NRG1: variants seen among roughly 807,000 people sequenced by gnomAD.
NRG1 encodes neuregulin 1.
In NRG1, 18 loss-of-function variants were observed where a neutral mutation model predicts 63.8. The ratio of observed to expected loss-of-function variants is 0.28; its 90% CI spans 0.19 to 0.42. The LOEUF (loss-of-function observed/expected upper bound fraction) is 0.42. Ranked by LOEUF, NRG1 falls within the 10% of genes least tolerant of loss-of-function variation. The pLI is 1.00. For synonymous variants in NRG1, 302 were observed against 301.3 expected (o/e 1.00, Z -0.02); for missense variants, 762 against 814.7 (o/e 0.94, Z 0.79).
At chr8:32,548,937 T>A (rs1337911112) in intron 1 of NRG1, 111 bp downstream of exon 1, 2 of 1,342,418 alleles carry the variant, frequency 1.5e-6, no homozygotes, top group Non-Finnish European at 2.0e-6. Flanking sequence ...CCCGTCCTCT[T>A]CGCCCTGCGC....
At chr8:32,398,902 A>G (rs1812798295) in intron 1 of NRG1, among the ~76,000 whole-genome samples, 2 of 152,208 alleles carry the variant, frequency 1.3e-5, no homozygotes, top group Non-Finnish European at 2.9e-5. Context: ...CTGTTTATAC[A>G]GTATGTGATT....
chr8:32,741,184 T>G (rs1392402546), intron 6 of NRG1, among the ~76,000 whole-genome samples: 1 of 152,170 alleles, frequency 6.6e-6, no homozygotes, highest in Non-Finnish European at 1.5e-5. Context: ...TTGCATGACC[T>G]TAAGAACAAT....
At chr8:32,749,554 T>C (rs1828266728) in intron 7 of NRG1, 2 of 1,613,776 alleles carry the variant, frequency 1.2e-6, no homozygotes, top group Non-Finnish European at 1.7e-6. Flanking sequence ...ACTTTCTGCA[T>C]TGGCAGAGCA....
intron 1 of NRG1, among the ~76,000 whole-genome samples, chr8:32,063,871 A>G (rs1449129856): frequency 6.6e-6 from 1 of 152,076 alleles, no homozygotes; most frequent in Non-Finnish European, 1.5e-5. Flanking sequence ...AATAAAACGC[A>G]AACATTTTAT....
chr8:32,526,602 C>T (rs931142610), intron 1 of NRG1, among the ~76,000 whole-genome samples: 2 of 152,154 alleles, frequency 1.3e-5, no homozygotes, highest in Non-Finnish European at 2.9e-5. Flanking sequence ...AAGTCTCTCT[C>T]TAAAACTGGA....
intron 1 of NRG1, among the ~76,000 whole-genome samples, chr8:31,867,869 A>G (rs1321194473): frequency 6.6e-6 from 1 of 152,158 alleles, no homozygotes; most frequent in Non-Finnish European, 1.5e-5. Context: ...TTTTATAACC[A>G]TATCACCATA....
At chr8:32,261,294 C>T (rs977789972) in intron 1 of NRG1, among the ~76,000 whole-genome samples, 13 of 151,774 alleles carry the variant, frequency 8.6e-5, no homozygotes, top group East Asian at 5.8e-4. Flanking sequence ...CAGAATAACA[C>T]GTGTGTTACT....
At chr8:32,592,777 G>T (rs1399756744) in intron 1 of NRG1, among the ~76,000 whole-genome samples, 1 of 152,054 alleles carries the variant, frequency 6.6e-6, no homozygotes, top group Non-Finnish European at 1.5e-5. Flanking sequence ...TAAAGAGAAG[G>T]TATCTGAAGT....
chr8:32,603,007 A>G (rs558852421), intron 2 of NRG1, among the ~76,000 whole-genome samples: 6 of 152,312 alleles, frequency 3.9e-5, no homozygotes, highest in East Asian at 3.9e-4. Context: ...TTGTTAAGAC[A>G]TATCTATTTG....
intron 5 of NRG1, chr8:32,721,912 C>A (rs962882564): frequency 1.4e-6 from 2 of 1,477,776 alleles, no homozygotes; most frequent in Non-Finnish European, 1.8e-6. Flanking sequence ...GGAGTTCAGT[C>A]TGCTCATTAT....
chr8:32,425,263 A>G, intron 1 of NRG1, among the ~76,000 whole-genome samples: 1 of 152,220 alleles, frequency 6.6e-6, no homozygotes, highest in East Asian at 1.9e-4. Context: ...GCCTTCAGGC[A>G]GGAGAAGTTG....
At chr8:31,841,415 TGTAGACACTGAGGGGCC>T (rs1200207765) in intron 1 of NRG1, among the ~76,000 whole-genome samples, 1 of 152,100 alleles carries the variant, frequency 6.6e-6, no homozygotes, top group African/African-American at 2.4e-5. Flanking sequence ...GACTTTCCCC[TGTAGACACTGAGGGGCC>T]GTGAACAGCA....
At chr8:32,116,487 C>T (rs188008738) in intron 1 of NRG1, among the ~76,000 whole-genome samples, 6 of 152,120 alleles carry the variant, frequency 3.9e-5, no homozygotes, top group Middle Eastern at 3.4e-3. Context: ...AATATCATGC[C>T]GCAAAAAGTA....
chr8:32,280,995 G>A (rs578137220), intron 1 of NRG1, among the ~76,000 whole-genome samples: 54 of 150,402 alleles, frequency 3.6e-4, no homozygotes, highest in Non-Finnish European at 6.5e-4. Context: ...TCCTGACCTC[G>A]TGATCCACCC....
chr8:32,539,050 C>T (rs1832315299), intron 1 of NRG1, among the ~76,000 whole-genome samples: 1 of 152,034 alleles, frequency 6.6e-6, no homozygotes, highest in Non-Finnish European at 1.5e-5. Context: ...AAGAAAAACA[C>T]AGTTAAAATC....
intron 1 of NRG1, among the ~76,000 whole-genome samples, chr8:32,101,605 T>C (rs1190592179): frequency 1.3e-5 from 2 of 152,166 alleles, no homozygotes; most frequent in East Asian, 1.9e-4. Context: ...CAGTTATTGA[T>C]TTTAAATCAT....
chr8:31,893,456 A>G (rs1050921528), intron 1 of NRG1, among the ~76,000 whole-genome samples: 5 of 151,580 alleles, frequency 3.3e-5, no homozygotes, highest in African/African-American at 1.2e-4. Flanking sequence ...TATATTTGCT[A>G]TATAAATGGT....
At chr8:32,285,073 C>A (rs1853370491) in intron 1 of NRG1, among the ~76,000 whole-genome samples, 1 of 152,206 alleles carries the variant, frequency 6.6e-6, no homozygotes, top group Non-Finnish European at 1.5e-5. Context: ...CTATCTGTAG[C>A]TCTTTGAAAA....
intron 7 of NRG1, among the ~76,000 whole-genome samples, chr8:32,752,826 T>C (rs978803754): frequency 6.6e-6 from 1 of 150,562 alleles, no homozygotes; most frequent in East Asian, 1.9e-4. Context: ...ACTTCTCTTT[T>C]CCTTCTCCTC....
Sources: gnomAD v4.1 joint callset for allele counts (sites outside exome capture counted in the v4.1 genomes callset) on GRCh38, gnomAD v4.1.1 for gene constraint, MANE v1.5 for transcripts, NCBI Gene and HGNC (gene_info 2026-07-23, HGNC 2026-07-21) for gene names.